Variants in GNA14 observed in about 807,000 individuals in gnomAD.
GNA14 encodes guanine nucleotide-binding protein subunit alpha-14.
A neutral mutation model predicts 42.0 loss-of-function variants in GNA14; 50 were observed. That is an observed-to-expected ratio of 1.19 (90% CI 0.95 to 1.51). GNA14 has a LOEUF of 1.51. Ranked by LOEUF, GNA14 falls within the 40% of genes most tolerant of loss-of-function variation. The pLI is 0.00. For synonymous variants in GNA14, 173 were observed against 163.1 expected (o/e 1.06, Z -0.46); for missense variants, 473 against 446.2 (o/e 1.06, Z -0.54).
rs140162952 is a variant in GNA14 at position 77,460,841 on chromosome 9, A to G, written c.310-26319T>C. ...GGGCGTGGATGGAAGAGCAGGGGCCAGGTCCAGTGTCGTTGACTTTGTTTT... is the reference window on the plus strand; with the variant it reads ...GGGCGTGGATGGAAGAGCAGGGGCCGGGTCCAGTGTCGTTGACTTTGTTTT... On this transcript the variant is annotated intron_variant, in intron 2 of 6. Transcript: ENST00000341700. Among the ~76,000 whole-genome samples the G allele has an allele frequency of 7.1e-3, 1,078 of 152,336 alleles. 14 individuals are homozygous for G. The highest frequency in any genetic ancestry group is 0.042 in the South Asian group (202 of 4,826).
intron 1 of GNA14, among the ~76,000 whole-genome samples, chr9:77,599,370 G>A (rs188580459): frequency 3.3e-5 from 5 of 152,304 alleles, no homozygotes; most frequent in Non-Finnish European, 5.9e-5. Flanking sequence ...TTGAATAGGG[G>A]GAAGGAGAAT....
intron 2 of GNA14, among the ~76,000 whole-genome samples, chr9:77,445,572 A>G (rs1034055020): frequency 2.0e-5 from 3 of 151,258 alleles, no homozygotes; most frequent in African/African-American, 7.3e-5. Flanking sequence ...AAAAAAAAAA[A>G]AGAAAGGAAA....
At chr9:77,530,361 C>T (rs535985097) in intron 1 of GNA14, among the ~76,000 whole-genome samples, 27 of 152,278 alleles carry the variant, frequency 1.8e-4, no homozygotes, top group Admixed American at 8.5e-4. Flanking sequence ...CCCCCTTTAC[C>T]TTCCACCATG....
At chr9:77,525,728 C>T (rs1446896054) in intron 2 of GNA14, among the ~76,000 whole-genome samples, 6 of 150,978 alleles carry the variant, frequency 4.0e-5, no homozygotes, top group Non-Finnish European at 5.9e-5. Context: ...TTAGTAGAGA[C>T]GGGGTTTCAC....
intron 2 of GNA14, among the ~76,000 whole-genome samples, chr9:77,514,174 T>C (rs1008924080): frequency 6.6e-6 from 1 of 152,188 alleles, no homozygotes; most frequent in East Asian, 1.9e-4. Context: ...ATATTTCCAA[T>C]GGCCAAATAT....
chr9:77,579,016 C>T (rs939393344), intron 1 of GNA14, among the ~76,000 whole-genome samples: 6 of 152,168 alleles, frequency 3.9e-5, no homozygotes, highest in South Asian at 2.1e-4. Context: ...TGGGCCACTG[C>T]CTCTGCTCTA....
intron 1 of GNA14, among the ~76,000 whole-genome samples, chr9:77,604,941 C>T (rs1241098201): frequency 5.9e-5 from 9 of 152,204 alleles, no homozygotes; most frequent in South Asian, 2.1e-4. Context: ...TTACCACCCT[C>T]GTGCCATGTC....
At chr9:77,469,379 A>G in intron 2 of GNA14, among the ~76,000 whole-genome samples, 1 of 151,620 alleles carries the variant, frequency 6.6e-6, no homozygotes, top group East Asian at 1.9e-4. Flanking sequence ...AAAAAAAAAA[A>G]AAAAAAAAAG....
chr9:77,614,287 T>C (rs1305513449), intron 1 of GNA14, among the ~76,000 whole-genome samples: 1 of 152,118 alleles, frequency 6.6e-6, no homozygotes, highest in Admixed American at 6.6e-5. Context: ...ATGGTACATA[T>C]CACTTCCACC....
In GNA14 at chr9:77,647,703, CCTT is replaced by C; in HGVS notation, c.88_90del (p.Lys30del). ...AGCAGCTTAAGCTCACGGCGCGCGTCCTTCTTGTCCCGACGAAGCTGTCGCTCG... is the reference window on the plus strand; with the variant it reads ...AGCAGCTTAAGCTCACGGCGCGCGTCCTTGTCCCGACGAAGCTGTCGCTCG... On this transcript the variant is annotated inframe_deletion, in exon 1 of 7. Coordinates refer to ENST00000341700, the MANE Select transcript of GNA14 (RefSeq NM_004297.4). 6.2e-7 allele frequency: 1 copy of C among 1,610,330 alleles called. No homozygotes were observed. The highest frequency in any genetic ancestry group is 8.5e-7 in the Non-Finnish European group (1 of 1,178,656).
chr9:77,514,341 G>C (rs1051016967), intron 2 of GNA14, among the ~76,000 whole-genome samples: 18 of 152,070 alleles, frequency 1.2e-4, no homozygotes, highest in Admixed American at 2.0e-4. Context: ...GAATCTCTCA[G>C]ATACCTTTGG....
chr9:77,566,646 A>C (rs960643775), intron 1 of GNA14, among the ~76,000 whole-genome samples: 3 of 152,214 alleles, frequency 2.0e-5, no homozygotes, highest in African/African-American at 7.2e-5. Context: ...GAAAGGCTTC[A>C]ATATGTCCAC....
At chr9:77,551,724 A>G (rs938202289) in intron 1 of GNA14, among the ~76,000 whole-genome samples, 7 of 152,022 alleles carry the variant, frequency 4.6e-5, no homozygotes, top group Admixed American at 1.3e-4. Context: ...AATAAGAAAA[A>G]GAGTTAGGGC....
intron 2 of GNA14, among the ~76,000 whole-genome samples, chr9:77,485,338 T>C (rs542849961): frequency 1.3e-5 from 2 of 152,312 alleles, no homozygotes; most frequent in African/African-American, 2.4e-5. Context: ...ATTGCAGCAA[T>C]TCAGTTACAT....
At chr9:77,515,793 A>C (rs114445084) in intron 2 of GNA14, among the ~76,000 whole-genome samples, 2,363 of 151,666 alleles carry the variant, frequency 0.016, 67 homozygotes, top group African/African-American at 0.054. Flanking sequence ...GGGAGACCCC[A>C]TCTTTACAAA....
At chr9:77,549,935 T>A (rs570003810) in intron 1 of GNA14, among the ~76,000 whole-genome samples, 1 of 152,120 alleles carries the variant, frequency 6.6e-6, no homozygotes, top group Non-Finnish European at 1.5e-5. Flanking sequence ...AGGGCTTGCA[T>A]GGGCCCTCCC....
In GNA14 at chr9:77,434,638, G is replaced by A. The variant is rs1037625956; in HGVS notation, c.310-116C>T. 7 of 828,430 alleles carry A rather than the reference G, an allele frequency of 8.4e-6. No homozygotes were observed. The Admixed American group carries it at 1.6e-4, about 18-fold the overall frequency. The allele number at this position is 828,430 out of a possible 1,614,324, so 51.3% of individuals were successfully genotyped here. On this transcript the variant is annotated intron_variant, in intron 2 of 6. Transcript: ENST00000341700. ...ATTTGGAGAGCTCTCACTAGGCATG[G>A]GGCGTGGTGGGCACCCTCCCAGGGG...
intron 2 of GNA14, 78 bp from the exon 3 acceptor site, chr9:77,434,600 C>T: frequency 7.6e-7 from 1 of 1,311,942 alleles, no homozygotes; most frequent in Non-Finnish European, 1.1e-6. Flanking sequence ...ACAAGTCTTG[C>T]CCTGGTCTGT....
chr9:77,609,135 A>T (rs1823689279), intron 1 of GNA14, among the ~76,000 whole-genome samples: 1 of 152,172 alleles, frequency 6.6e-6, no homozygotes, highest in Non-Finnish European at 1.5e-5. Flanking sequence ...GTCAGGAAGA[A>T]CCAAGGTACT....
Sources: gnomAD v4.1 joint callset for allele counts (sites outside exome capture counted in the v4.1 genomes callset) on GRCh38, gnomAD v4.1.1 for gene constraint, MANE v1.5 for transcripts, NCBI Gene and HGNC (gene_info 2026-07-23, HGNC 2026-07-21) for gene names.